SPIRE1: variants seen among roughly 807,000 people sequenced by gnomAD.
The protein encoded by SPIRE1 is protein spire homolog 1.
In SPIRE1, 40 loss-of-function variants were observed where a neutral mutation model predicts 94.1. The observed-to-expected ratio is 0.43, with a 90% CI of 0.33 to 0.55. The LOEUF is 0.55. Ranked by LOEUF, SPIRE1 falls within the 20% of genes least tolerant of loss-of-function variation. The probability of loss-of-function intolerance (pLI) is 0.06; values close to 1 mark genes in which losing one functional copy is unlikely to be tolerated. For synonymous variants in SPIRE1, 376 were observed against 371.7 expected (o/e 1.01, Z -0.13); for missense variants, 838 against 975.2 (o/e 0.86, Z 1.87).
In SPIRE1 at chr18:12,657,395, C is replaced by T. The variant is rs971972226; in HGVS notation, c.337+135G>A. 9.9e-6 allele frequency: 7 copies of T among 707,216 alleles called. No individual in the cohort carries two copies. In the African/African-American group the frequency reaches 1.1e-4, roughly 11 times the overall value. 43.8% of individuals were successfully genotyped at this position (707,216 alleles called of 1,614,324 possible). A position where few individuals can be genotyped will look rare whatever the true frequency, so the allele number is the denominator to read the frequency against. Reference sequence around the variant, plus strand: ...GCCGTCCTCCCCTGCGGGTCCCCGCCGGATCCTCCCGGGGGTCTCCCGTGG... The same window carrying T: ...GCCGTCCTCCCCTGCGGGTCCCCGCTGGATCCTCCCGGGGGTCTCCCGTGG... On this transcript the variant is annotated intron_variant, in intron 1 of 16. Coordinates refer to ENST00000409402, the MANE Select transcript of SPIRE1 (RefSeq NM_001128626.2).
At chr18:12,651,694 A>C (rs185755966) in intron 1 of SPIRE1, among the ~76,000 whole-genome samples, 2 of 152,264 alleles carry the variant, frequency 1.3e-5, no homozygotes, top group Admixed American at 6.5e-5. Context: ...AACAAAAAAA[A>C]CATATTTTTT....
intron 12 of SPIRE1, among the ~76,000 whole-genome samples, chr18:12,460,355 A>C (rs1301392044): frequency 2.0e-5 from 3 of 152,272 alleles, no homozygotes; most frequent in African/African-American, 7.2e-5. Flanking sequence ...CGGTTATTTG[A>C]CCAAATGATG....
chr18:12,583,626 A>G (rs2036314138), intron 2 of SPIRE1, among the ~76,000 whole-genome samples: 1 of 151,860 alleles, frequency 6.6e-6, no homozygotes, highest in South Asian at 2.1e-4. Flanking sequence ...AGAAGAAAAA[A>G]TTAAAAATAA....
chr18:12,534,434 G>A (rs1029468494), intron 4 of SPIRE1, among the ~76,000 whole-genome samples: 1 of 152,130 alleles, frequency 6.6e-6, no homozygotes, highest in Admixed American at 6.6e-5. Flanking sequence ...AATACCTAGA[G>A]AACTGGCAAA....
chr18:12,493,309 G>A (rs1598929453), intron 7 of SPIRE1, 108 bp from the exon 8 acceptor site: 1 of 1,015,098 alleles, frequency 9.9e-7, no homozygotes, highest in East Asian at 2.6e-5. Context: ...CTGGAACACT[G>A]CTTGATAAAA....
intron 2 of SPIRE1, among the ~76,000 whole-genome samples, chr18:12,623,829 T>C (rs1390324240): frequency 2.0e-5 from 3 of 151,962 alleles, no homozygotes; most frequent in African/African-American, 4.8e-5. Context: ...GGTTTCACCA[T>C]ATTGGCCAGG....
At position 12,499,946 on chromosome 18, in the gene SPIRE1, T is replaced by TA. The variant is rs962255714; in HGVS notation, c.973-3845dup. ...TTAAAAAATGAGTACAACACAGCCATAAAAAAAGAATGAAATCATGTCCTT... is the reference window on the plus strand; with the variant it reads ...TTAAAAAATGAGTACAACACAGCCATAAAAAAAAGAATGAAATCATGTCCTT... On this transcript the variant is annotated intron_variant, in intron 6 of 16. Coordinates refer to ENST00000409402, the MANE Select transcript of SPIRE1 (RefSeq NM_001128626.2). Among the ~76,000 whole-genome samples the TA allele has an allele frequency of 3.8e-4, 58 of 151,860 alleles. 1 individual carries two copies. Among genetic ancestry groups the TA allele is most frequent in the Non-Finnish European group, 1.5e-4 (10 of 67,962 alleles).
At position 12,534,573 on chromosome 18, in the gene SPIRE1, T is replaced by C. The variant is rs867354217; in HGVS notation, c.729+903A>G. 5.2e-4 allele frequency among the ~76,000 whole-genome samples: 79 copies of C among 152,258 alleles called. 1 individual carries two copies. Among genetic ancestry groups the C allele is most frequent in the African/African-American group, 1.8e-3 (75 of 41,544 alleles). ...CATTTGGCTGGGGCCCTGGATAGAA[T>C]AAAACAGAGGAAGGAAAATTGGTCT... On this transcript the variant is annotated intron_variant, in intron 4 of 16. Coordinates refer to ENST00000409402, the MANE Select transcript of SPIRE1 (RefSeq NM_001128626.2).
intron 16 of SPIRE1, chr18:12,451,022 G>A: frequency 3.7e-6 from 2 of 547,268 alleles, no homozygotes; most frequent in Non-Finnish European, 6.6e-6. Flanking sequence ...AAAGGAAGAA[G>A]GAGGGGAGGA....
At chr18:12,585,951 T>C (rs1910122554) in intron 2 of SPIRE1, among the ~76,000 whole-genome samples, 1 of 152,110 alleles carries the variant, frequency 6.6e-6, no homozygotes, top group African/African-American at 2.4e-5. Context: ...TGTATGCATG[T>C]ATGTATGTAT....
intron 11 of SPIRE1, 29 bp from the exon 12 acceptor site, chr18:12,463,522 T>G (rs1482185574): frequency 6.3e-7 from 1 of 1,577,712 alleles, no homozygotes; most frequent in Non-Finnish European, 8.6e-7. Context: ...GAAATAAAAC[T>G]TACTGTGAAT....
chr18:12,651,815 G>C (rs1283590192), intron 1 of SPIRE1, among the ~76,000 whole-genome samples: 1 of 152,118 alleles, frequency 6.6e-6, no homozygotes, highest in African/African-American at 2.4e-5. Context: ...AAGCTTGACT[G>C]ATCGTATCCT....
At chr18:12,562,691 G>A (rs1249282569) in intron 2 of SPIRE1, among the ~76,000 whole-genome samples, 1 of 127,084 alleles carries the variant, frequency 7.9e-6, no homozygotes, top group Non-Finnish European at 1.6e-5. Context: ...AAAAAATTTT[G>A]TAGAGAAAGG....
At chr18:12,595,923 GA>G (rs1472573211) in intron 2 of SPIRE1, among the ~76,000 whole-genome samples, 1 of 151,628 alleles carries the variant, frequency 6.6e-6, no homozygotes, top group African/African-American at 2.4e-5. Context: ...TTTGCCACAA[GA>G]AAAAAAAGAG....
chr18:12,561,228 GTTC>G (rs2035673592), intron 2 of SPIRE1, among the ~76,000 whole-genome samples: 2 of 151,334 alleles, frequency 1.3e-5, no homozygotes, highest in African/African-American at 4.9e-5. Flanking sequence ...CTGAATTTAG[GTTC>G]TTCTTTTTAA....
In SPIRE1 at chr18:12,657,926, G is replaced by C. The variant is rs1190232461; in HGVS notation, c.-60C>G. On this transcript the variant is annotated 5_prime_UTR_variant, in exon 1 of 17. Coordinates refer to ENST00000409402, the MANE Select transcript of SPIRE1 (RefSeq NM_001128626.2). Reference sequence around the variant, plus strand: ...GTGTGCCGGCGTCTCCTCAGCTCCGGAGCATCGTCGTCGCGCGCCGCCGCC... The same window carrying C: ...GTGTGCCGGCGTCTCCTCAGCTCCGCAGCATCGTCGTCGCGCGCCGCCGCC... 9.8e-7 allele frequency: 1 copy of C among 1,018,854 alleles called. No homozygotes were observed. Among genetic ancestry groups the C allele is most frequent in the African/African-American group, 1.7e-5 (1 of 57,586 alleles). 63.1% of individuals were successfully genotyped at this position (1,018,854 alleles called of 1,614,324 possible). A position where few individuals can be genotyped will look rare whatever the true frequency, so the allele number is the denominator to read the frequency against.
intron 9 of SPIRE1, among the ~76,000 whole-genome samples, chr18:12,480,618 C>A (rs2032804358): frequency 1.3e-5 from 2 of 152,274 alleles, no homozygotes; most frequent in South Asian, 4.1e-4. Flanking sequence ...ATTATTCATA[C>A]TGATTTTGAT....
At chr18:12,575,152 G>A (rs2036060657) in intron 2 of SPIRE1, among the ~76,000 whole-genome samples, 1 of 152,142 alleles carries the variant, frequency 6.6e-6, no homozygotes, top group South Asian at 2.1e-4. Flanking sequence ...GTGATGAAAA[G>A]AAAGTAGAGA....
intron 9 of SPIRE1, among the ~76,000 whole-genome samples, chr18:12,483,264 T>C (rs960030142): frequency 6.6e-6 from 1 of 152,210 alleles, no homozygotes; most frequent in Non-Finnish European, 1.5e-5. Context: ...CCGGAAAACA[T>C]ATTTTTAAGA....
Sources: gnomAD v4.1 joint callset for allele counts (sites outside exome capture counted in the v4.1 genomes callset) on GRCh38, gnomAD v4.1.1 for gene constraint, MANE v1.5 for transcripts, NCBI Gene and HGNC (gene_info 2026-07-23, HGNC 2026-07-21) for gene names.